ZNF33B: variants seen among roughly 807,000 people sequenced by gnomAD.
The protein encoded by ZNF33B is zinc finger protein 11b (KOX 2).
In ZNF33B, 29 loss-of-function variants were observed where a neutral mutation model predicts 45.8. The observed-to-expected ratio is 0.63, with a 90% CI of 0.47 to 0.86. The LOEUF (loss-of-function observed/expected upper bound fraction) is 0.86. Among genes scored for constraint, ZNF33B ranks in the 40% least tolerant of loss-of-function variants. The probability of loss-of-function intolerance (pLI) is 0.00; values close to 1 mark genes in which losing one functional copy is unlikely to be tolerated. For synonymous variants in ZNF33B, 305 were observed against 307.8 expected (o/e 0.99, Z 0.10); for missense variants, 831 against 909.9 (o/e 0.91, Z 1.12).
chr10:42,633,706 G>T (rs571503656), intron 2 of ZNF33B, among the ~76,000 whole-genome samples: 36 of 152,136 alleles, frequency 2.4e-4, no homozygotes, highest in African/African-American at 7.7e-4. Context: ...AGTGCCTCAC[G>T]CCTGTAATCT....
chr10:42,582,532 G>A (rs1589010443), intron 1 of ZNF33B: 1 of 152,676 alleles, frequency 6.5e-6, no homozygotes, highest in East Asian at 1.9e-4. Flanking sequence ...AGAGGTGAAG[G>A]AAGAGTGGAC....
At chr10:42,625,929 A>T (rs1197949472) in intron 4 of ZNF33B, among the ~76,000 whole-genome samples, 3 of 152,240 alleles carry the variant, frequency 2.0e-5, no homozygotes, top group Admixed American at 6.5e-5. Context: ...TACAATGAAT[A>T]AGAGTGGTGA....
chr10:42,619,621 A>AC (rs1554824331), intron 4 of ZNF33B, among the ~76,000 whole-genome samples: 2 of 152,190 alleles, frequency 1.3e-5, no homozygotes, highest in African/African-American at 4.8e-5. Context: ...TTGTAACTCC[A>AC]TTTTTTTACT....
In ZNF33B at chr10:42,593,235, T is replaced by C. The variant is rs1837224820; in HGVS notation, c.1715A>G (p.Tyr572Cys). 3 of 1,613,908 alleles carry C rather than the reference T, an allele frequency of 1.9e-6. No individual in the cohort carries two copies. The highest frequency in any genetic ancestry group is 2.5e-6 in the Non-Finnish European group (3 of 1,179,980). The change falls in exon 5 of 5, where the codon TAT becomes TGT. Residue 572 changes from tyrosine to cysteine, a missense_variant. Transcript: ENST00000359467. ...GGGTTTCTCCCCCGTGTGTGTTCTA[T>C]AATGTTGAGAGAGGGTTGACTTATG... ...FSHKSTLSQH[Y>C]RTHTGEKPYE...
downstream of ZNF33B, among the ~76,000 whole-genome samples, chr10:42,588,259 T>C (rs1196204144): frequency 3.9e-5 from 6 of 152,188 alleles, no homozygotes; most frequent in Non-Finnish European, 8.8e-5. Flanking sequence ...ACTCTTGTCC[T>C]GCACACAAGA....
intron 4 of ZNF33B, among the ~76,000 whole-genome samples, chr10:42,630,314 CCA>C (rs769566743): frequency 2.6e-5 from 4 of 152,152 alleles, no homozygotes; most frequent in East Asian, 1.9e-4. Context: ...CTGCCTGCCA[CCA>C]CAGTTTCAGA....
At chr10:42,600,632 T>C (rs1436510155) in intron 4 of ZNF33B, among the ~76,000 whole-genome samples, 2 of 152,182 alleles carry the variant, frequency 1.3e-5, no homozygotes, top group Admixed American at 1.3e-4. Flanking sequence ...ATCTCTGCCT[T>C]TAAATGGGGT....
chr10:42,601,135 C>T (rs1314776409), intron 4 of ZNF33B, among the ~76,000 whole-genome samples: 1 of 152,204 alleles, frequency 6.6e-6, no homozygotes, highest in Non-Finnish European at 1.5e-5. Context: ...TCTGTTGCCT[C>T]ATTTAAGGAG....
downstream of ZNF33B, among the ~76,000 whole-genome samples, chr10:42,586,519 A>G (rs1836939467): frequency 6.6e-6 from 1 of 152,216 alleles, no homozygotes; most frequent in South Asian, 2.1e-4. Context: ...ACCGTAGCTC[A>G]CTGCAGCCTT....
chr10:42,628,510 G>A (rs1463321216), intron 4 of ZNF33B, among the ~76,000 whole-genome samples: 1 of 152,082 alleles, frequency 6.6e-6, no homozygotes, highest in East Asian at 1.9e-4. Flanking sequence ...GTACTTTGAG[G>A]TTTGCTAGAG....
intron 4 of ZNF33B, among the ~76,000 whole-genome samples, chr10:42,617,669 C>A (rs939092835): frequency 3.3e-5 from 5 of 152,144 alleles, no homozygotes; most frequent in Non-Finnish European, 7.4e-5. Flanking sequence ...AGTCCCATCA[C>A]CAGGATCCCA....
At chr10:42,628,787 TAAC>T (rs1838924160) in intron 4 of ZNF33B, among the ~76,000 whole-genome samples, 1 of 152,102 alleles carries the variant, frequency 6.6e-6, no homozygotes, top group Non-Finnish European at 1.5e-5. Context: ...GCAGGAAGAC[TAAC>T]ATTGGCAACT....
At chr10:42,605,540 T>C (rs1438688308) in intron 4 of ZNF33B, among the ~76,000 whole-genome samples, 2 of 151,804 alleles carry the variant, frequency 1.3e-5, no homozygotes, top group Admixed American at 6.6e-5. Flanking sequence ...AAAAAACAAA[T>C]AGAAACCAAA....
At chr10:42,583,350 A>T (rs1836861687) in intron 1 of ZNF33B, 1 of 393,292 alleles carries the variant, frequency 2.5e-6, no homozygotes, top group Admixed American at 3.7e-5. Flanking sequence ...CTGGCAAAAC[A>T]AACAGGCATT....
intron 4 of ZNF33B, among the ~76,000 whole-genome samples, chr10:42,606,362 G>A (rs1589040937): frequency 6.6e-6 from 1 of 152,046 alleles, no homozygotes; most frequent in East Asian, 1.9e-4. Flanking sequence ...CAACTCGGGA[G>A]GCTGAGACAG....
chr10:42,583,444 T>C (rs149522732), intron 1 of ZNF33B: 7 of 287,476 alleles, frequency 2.4e-5, no homozygotes, highest in Middle Eastern at 9.6e-4. Flanking sequence ...CCCGCTGAGA[T>C]GGTACTAGAT....
At chr10:42,609,907 TC>T (rs1838030501) in intron 4 of ZNF33B, among the ~76,000 whole-genome samples, 1 of 152,110 alleles carries the variant, frequency 6.6e-6, no homozygotes, top group Non-Finnish European at 1.5e-5. Context: ...CAGTTAAACT[TC>T]CTGAGCCTGA....
In ZNF33B at chr10:42,590,765, A is replaced by G. The variant is rs912770445; in HGVS notation, c.*1848T>C. The G allele has an allele frequency of 2.0e-4, 31 of 152,300 alleles. No homozygotes were observed. Among genetic ancestry groups the G allele is most frequent in the African/African-American group, 7.0e-4 (29 of 41,570 alleles). 9.4% of individuals were successfully genotyped at this position (152,300 alleles called of 1,614,324 possible). On this transcript the variant is annotated 3_prime_UTR_variant, in exon 5 of 5. Coordinates refer to ENST00000359467, the MANE Select transcript of ZNF33B (RefSeq NM_006955.3). ...TAATCCTTTTGGTGACCATAGGATCAGCTATGATGGCCTCTTTCACTTTTG... is the reference window on the plus strand; with the variant it reads ...TAATCCTTTTGGTGACCATAGGATCGGCTATGATGGCCTCTTTCACTTTTG...
At chr10:42,622,911 G>C (rs1182155630) in intron 4 of ZNF33B, among the ~76,000 whole-genome samples, 1 of 152,180 alleles carries the variant, frequency 6.6e-6, no homozygotes, top group African/African-American at 2.4e-5. Flanking sequence ...GAAAACATAA[G>C]GAAAACTTTG....
Sources: allele counts gnomAD v4.1 joint callset (sites outside exome capture counted in the v4.1 genomes callset), GRCh38; gene constraint gnomAD v4.1.1; transcripts MANE v1.5; gene names NCBI Gene and HGNC (gene_info 2026-07-23, HGNC 2026-07-21).